The following ZNF410 variants were observed in gnomAD, a reference collection of about 807,000 sequenced individuals.
The protein encoded by ZNF410 is zinc finger protein 410, also known as another partner for ARF 1.
In ZNF410, 18 loss-of-function variants were observed where a neutral mutation model predicts 54.8. That is an observed-to-expected ratio of 0.33 (90% CI 0.23 to 0.49). The LOEUF (loss-of-function observed/expected upper bound fraction) is 0.49. ZNF410 is among the 20% of genes least tolerant of loss of function. The pLI, the probability that ZNF410 is intolerant of heterozygous loss-of-function variation, is 0.99. For synonymous variants in ZNF410, 191 were observed against 207.3 expected (o/e 0.92, Z 0.68); for missense variants, 405 against 569.6 (o/e 0.71, Z 2.94).
At chr14:73,893,348 A>C (rs1257761233) in intron 2 of ZNF410, 1 of 153,012 alleles carries the variant, frequency 6.5e-6, no homozygotes, top group East Asian at 1.9e-4. Flanking sequence ...AACATGGTAG[A>C]GTATACTTAC....
intron 5 of ZNF410, among the ~76,000 whole-genome samples, chr14:73,903,485 G>A (rs1044340641): frequency 1.3e-5 from 2 of 151,930 alleles, no homozygotes; most frequent in Admixed American, 1.3e-4. Flanking sequence ...CATTTCTATT[G>A]TTTCATTATA....
chr14:73,890,803 G>A (rs1009596767), intron 1 of ZNF410, among the ~76,000 whole-genome samples: 6 of 151,946 alleles, frequency 3.9e-5, no homozygotes, highest in Non-Finnish European at 5.9e-5. Context: ...ACCTGAAGTT[G>A]GGAGTTCGAG....
chr14:73,923,877 T>A (rs1566666378), intron 11 of ZNF410, among the ~76,000 whole-genome samples: 1 of 152,190 alleles, frequency 6.6e-6, no homozygotes, highest in Non-Finnish European at 1.5e-5. Context: ...TGTTAAGTTA[T>A]TCAGAGAAGA....
Position 73,909,507 on chromosome 14 carries a change from GA to G in ZNF410, c.1003+78del, listed in dbSNP as rs2055543479. On this transcript the variant is annotated intron_variant, in intron 8 of 11. Transcript: ENST00000555044. ...AAAAGGGTTGTGGGGGTGATATAAA[GA>G]CAACTAAAAAGAAACAAACTGTTCA... 3 of 1,222,782 alleles carry G rather than the reference GA, an allele frequency of 2.5e-6. No homozygotes were observed. In the East Asian group the frequency reaches 7.0e-5, roughly 29 times the overall value. 75.7% of individuals were successfully genotyped at this position (1,222,782 alleles called of 1,614,324 possible). A position where few individuals can be genotyped will look rare whatever the true frequency, so the allele number is the denominator to read the frequency against.
intron 5 of ZNF410, among the ~76,000 whole-genome samples, chr14:73,902,516 C>T: frequency 6.6e-6 from 1 of 152,056 alleles, no homozygotes; most frequent in East Asian, 1.9e-4. Flanking sequence ...TAAAGTATAG[C>T]AAGGAGAAGA....
intron 3 of ZNF410, 75 bp downstream of exon 3, chr14:73,894,007 G>T: frequency 6.6e-7 from 1 of 1,510,736 alleles, no homozygotes; most frequent in South Asian, 1.3e-5. Flanking sequence ...CTGGTGGAAT[G>T]AATATATCGT....
At chr14:73,919,886 GTTTTTT>G (rs1158550117) in intron 8 of ZNF410, among the ~76,000 whole-genome samples, 1,844 of 62,004 alleles carry the variant, frequency 0.03, 20 homozygotes, top group African/African-American at 0.11. Flanking sequence ...TATTGTATAG[GTTTTTT>G]TTTTTTTTTT....
At chr14:73,919,932 T>G (rs1201101927) in intron 8 of ZNF410, among the ~76,000 whole-genome samples, 1 of 132,222 alleles carries the variant, frequency 7.6e-6, no homozygotes, top group East Asian at 2.2e-4. Flanking sequence ...ACTACTGCAG[T>G]ATCTATAGCT....
rs759002772 is a variant in ZNF410 at position 73,898,275 on chromosome 14, G to A, written c.580+13G>A. The A allele has an allele frequency of 1.1e-5, 18 of 1,613,548 alleles. No homozygotes were observed. Among genetic ancestry groups the A allele is most frequent in the Admixed American group, 8.3e-5 (5 of 59,942 alleles). The stretch of plus-strand genomic sequence containing the variant: ...ACCAGCAGCAATGGTGAGGCCCGTC[G>A]GCATTTTCCTTGCCACTATTCTGTG... On this transcript the variant is annotated intron_variant, in intron 5 of 11. Transcript: ENST00000555044.
At chr14:73,919,905 TTTTTTTG>T in intron 8 of ZNF410, among the ~76,000 whole-genome samples, 1 of 148,420 alleles carries the variant, frequency 6.7e-6, no homozygotes, top group African/African-American at 2.5e-5. Flanking sequence ...TTTTTTTTTT[TTTTTTTG>T]CTATGCAGGA....
chr14:73,917,126 T>G (rs1025115063), intron 8 of ZNF410, among the ~76,000 whole-genome samples: 1 of 152,244 alleles, frequency 6.6e-6, no homozygotes, highest in Non-Finnish European at 1.5e-5. Context: ...CAGGGGATTT[T>G]TTTGTACTTT....
intron 5 of ZNF410, among the ~76,000 whole-genome samples, chr14:73,901,702 G>A (rs1594750848): frequency 1.3e-5 from 2 of 151,562 alleles, no homozygotes; most frequent in African/African-American, 2.4e-5. Flanking sequence ...TGGCCGAGGC[G>A]GGTGGATCTG....
At chr14:73,907,657 C>T (rs915343972) in intron 7 of ZNF410, among the ~76,000 whole-genome samples, 6 of 151,886 alleles carry the variant, frequency 4.0e-5, no homozygotes, top group South Asian at 2.1e-4. Context: ...TTTGGGAGGC[C>T]GAGGCGAGTG....
chr14:73,899,879 A>G (rs1400981320), intron 5 of ZNF410, among the ~76,000 whole-genome samples: 1 of 152,180 alleles, frequency 6.6e-6, no homozygotes, highest in Non-Finnish European at 1.5e-5. Context: ...CTTAACAACT[A>G]CTTTGTATGC....
At position 73,908,374 on chromosome 14, in the gene ZNF410, AT is replaced by A. The variant is rs915822426; in HGVS notation, c.914-957del. 3.2e-3 allele frequency among the ~76,000 whole-genome samples: 475 copies of A among 150,420 alleles called. 2 individuals are homozygous for A. Among genetic ancestry groups the A allele is most frequent in the African/African-American group, 0.011 (449 of 41,042 alleles). ...AACATTTGATCTTGTTATTACTAAA[AT>A]TTTTTTTTTACATTTGTTCTGTTAT... On this transcript the variant is annotated intron_variant, in intron 7 of 11. Coordinates refer to ENST00000555044, the MANE Select transcript of ZNF410 (RefSeq NM_021188.3).
intron 11 of ZNF410, among the ~76,000 whole-genome samples, chr14:73,930,345 T>C (rs1594771826): frequency 6.6e-6 from 1 of 152,212 alleles, no homozygotes; most frequent in Non-Finnish European, 1.5e-5. Context: ...GTTTTTTTGG[T>C]GGATACAGTG....
chr14:73,918,236 A>G (rs145121907), intron 8 of ZNF410, among the ~76,000 whole-genome samples: 13,607 of 151,828 alleles, frequency 0.09, 1,006 homozygotes, highest in East Asian at 0.44. Context: ...TCAGCCTCCC[A>G]AGTAGCTGAG....
chr14:73,890,869 G>A (rs1032251145), intron 1 of ZNF410, among the ~76,000 whole-genome samples: 11 of 152,012 alleles, frequency 7.2e-5, no homozygotes, highest in African/African-American at 2.7e-4. Flanking sequence ...AATTAGCCAG[G>A]TGTGGTGTCT....
At position 73,896,458 on chromosome 14, in the gene ZNF410, A is replaced by G; in HGVS notation, c.312A>G (p.Ser104=). The part of the protein sequence containing the change: ...VQKSPEFLST[S]ESSSLLQDLQ... ...AATCCCCGGAGTTTTTGTCCACTTC[A>G]GAGTCTTCTAGCTTGTTGCAAGATC... Residue 104 remains serine, a synonymous_variant, in exon 4 of 12, where the codon TCA becomes TCG. Transcript: ENST00000555044. The G allele has an allele frequency of 6.2e-7, 1 of 1,614,188 alleles. No homozygotes were observed. Among genetic ancestry groups the G allele is most frequent in the Non-Finnish European group, 8.5e-7 (1 of 1,180,026 alleles).
Sources: gnomAD v4.1 joint callset for allele counts (sites outside exome capture counted in the v4.1 genomes callset) on GRCh38, gnomAD v4.1.1 for gene constraint, MANE v1.5 for transcripts, NCBI Gene and HGNC (gene_info 2026-07-23, HGNC 2026-07-21) for gene names.